SLC6A6: variants seen among roughly 807,000 people sequenced by gnomAD.
The protein encoded by SLC6A6 is sodium- and chloride-dependent taurine transporter.
A neutral mutation model predicts 68.8 loss-of-function variants in SLC6A6; 16 were observed. That is an observed-to-expected ratio of 0.23 (90% CI 0.16 to 0.35). The LOEUF (loss-of-function observed/expected upper bound fraction) is 0.35. SLC6A6 is among the 10% of genes least tolerant of loss of function. The pLI is 1.00. For synonymous variants in SLC6A6, 312 were observed against 315.4 expected (o/e 0.99, Z 0.12); for missense variants, 474 against 802.8 (o/e 0.59, Z 4.95).
intron 4 of SLC6A6, 119 bp downstream of exon 4, chr3:14,445,970 T>TATCTTGTGTCAGCATA: frequency 1.0e-6 from 1 of 980,170 alleles, no homozygotes; most frequent in Non-Finnish European, 1.5e-6. Context: ...AGCTCTATGC[T>TATCTTGTGTCAGCATA]GACACAAGAT....
chr3:14,466,330 A>G (rs550885009), intron 6 of SLC6A6, among the ~76,000 whole-genome samples, 186 bp from the exon 7 acceptor site: 10 of 151,616 alleles, frequency 6.6e-5, no homozygotes, highest in Non-Finnish European at 5.9e-5. Context: ...CAGATTACAG[A>G]TGAGGCAGCT....
At chr3:14,456,474 C>G (rs1441314774) in intron 5 of SLC6A6, among the ~76,000 whole-genome samples, 3 of 152,182 alleles carry the variant, frequency 2.0e-5, no homozygotes, top group Admixed American at 6.5e-5. Flanking sequence ...GCTGGGAACA[C>G]AGCAGTAAAC....
chr3:14,417,739 A>C (rs1446358617), intron 2 of SLC6A6, among the ~76,000 whole-genome samples: 2 of 151,972 alleles, frequency 1.3e-5, no homozygotes, highest in African/African-American at 4.8e-5. Context: ...CTCGAAAAAA[A>C]AAAAAAAAAA....
At position 14,481,564 on chromosome 3, in the gene SLC6A6, C is replaced by G. The variant is rs1574969674; in HGVS notation, c.1552-107C>G. On this transcript the variant is annotated intron_variant, in intron 13 of 14. Coordinates refer to ENST00000622186, the MANE Select transcript of SLC6A6 (RefSeq NM_003043.6). This position sits in a 1 kb window ranked among gnomAD's most constrained non-coding sequence, Gnocchi z 4.7. ...GTGTGAGTTCTGAGCCAGTCCTTTC[C>G]CAAGGAGAGAGACCCTTCCCTCAGG... 1.3e-6 allele frequency: 1 copy of G among 748,292 alleles called. No homozygotes were observed. Among genetic ancestry groups the G allele is most frequent in the African/African-American group, 1.8e-5 (1 of 56,898 alleles). 46.4% of individuals were successfully genotyped at this position (748,292 alleles called of 1,614,324 possible).
Position 14,478,580 on chromosome 3 carries a change from T to C in SLC6A6, c.1450+12T>C, listed in dbSNP as rs775411238. Reference sequence around the variant, plus strand: ...TGCCTGGATATATGGTGAGTACAGATTTTTTCATGTCCTTTCTCAAGGCTC... The same window carrying C: ...TGCCTGGATATATGGTGAGTACAGACTTTTTCATGTCCTTTCTCAAGGCTC... On this transcript the variant is annotated intron_variant, in intron 12 of 14. Transcript: ENST00000622186. 2.7e-6 allele frequency: 4 copies of C among 1,491,616 alleles called. No individual in the cohort carries two copies. The highest frequency in any genetic ancestry group is 3.7e-6 in the Non-Finnish European group (4 of 1,068,604). The allele number at this position is 1,491,616 out of a possible 1,614,324, so 92.4% of individuals were successfully genotyped here. A position where few individuals can be genotyped will look rare whatever the true frequency, so the allele number is the denominator to read the frequency against.
intron 2 of SLC6A6, among the ~76,000 whole-genome samples, chr3:14,437,089 T>A (rs956238016): frequency 1.3e-5 from 2 of 152,134 alleles, no homozygotes; most frequent in Non-Finnish European, 2.9e-5. Context: ...TGACTTCACA[T>A]CTCTGTGCTT....
chr3:14,430,508 A>G (rs1699700743), intron 2 of SLC6A6, among the ~76,000 whole-genome samples: 1 of 152,142 alleles, frequency 6.6e-6, no homozygotes, highest in African/African-American at 2.4e-5. Context: ...TGCACGTAGG[A>G]AGACCACAGT....
intron 6 of SLC6A6, among the ~76,000 whole-genome samples, chr3:14,459,118 C>G (rs1700436606): frequency 6.6e-6 from 1 of 152,164 alleles, no homozygotes; most frequent in Admixed American, 6.5e-5. Context: ...CTATAAAGAA[C>G]AAAGGCGTTT....
chr3:14,414,748 C>G (rs1295407821), intron 1 of SLC6A6, among the ~76,000 whole-genome samples: 1 of 152,122 alleles, frequency 6.6e-6, no homozygotes, highest in Non-Finnish European at 1.5e-5. Context: ...TCAGGTTGGT[C>G]TTGAACTCTT....
chr3:14,410,176 CAAAAAA>C (rs145587348), intron 1 of SLC6A6, among the ~76,000 whole-genome samples: 1 of 60,726 alleles, frequency 1.6e-5, no homozygotes. Flanking sequence ...GACTCCATCT[CAAAAAA>C]AAAAAAAAAA....
intron 10 of SLC6A6, among the ~76,000 whole-genome samples, chr3:14,473,541 T>C (rs1432168152): frequency 6.6e-6 from 1 of 151,838 alleles, no homozygotes; most frequent in Admixed American, 6.6e-5. Context: ...AGGGGAAAAG[T>C]CTCTGAAGGT....
chr3:14,460,970 A>C (rs544105016), intron 6 of SLC6A6, among the ~76,000 whole-genome samples: 128 of 152,330 alleles, frequency 8.4e-4, no homozygotes, highest in African/African-American at 3.0e-3. Context: ...TCATCCTGCC[A>C]AGGCCCTGCT....
At chr3:14,455,164 G>A (rs902015830) in intron 5 of SLC6A6, among the ~76,000 whole-genome samples, 3 of 152,160 alleles carry the variant, frequency 2.0e-5, no homozygotes, top group Non-Finnish European at 2.9e-5. Flanking sequence ...CAAAGCAAAC[G>A]TCCCTGGATG....
At chr3:14,441,135 G>A (rs575031151) in intron 2 of SLC6A6, among the ~76,000 whole-genome samples, 1 of 152,120 alleles carries the variant, frequency 6.6e-6, no homozygotes, top group Admixed American at 6.5e-5. Flanking sequence ...GCAGAGCCGG[G>A]ACTCTCAGGG....
At chr3:14,458,369 C>T (rs574339610) in intron 6 of SLC6A6, among the ~76,000 whole-genome samples, 21 of 152,388 alleles carry the variant, frequency 1.4e-4, no homozygotes, top group Admixed American at 1.1e-3. Context: ...GGAGCCTACA[C>T]GAGCTAGCCC....
At chr3:14,406,518 C>T (rs1699111734) in intron 1 of SLC6A6, among the ~76,000 whole-genome samples, 1 of 152,210 alleles carries the variant, frequency 6.6e-6, no homozygotes, top group Non-Finnish European at 1.5e-5. Context: ...TTGCCCTGAA[C>T]TCTTTCTGTA....
intron 4 of SLC6A6, 77 bp downstream of exon 4, chr3:14,445,928 C>A: frequency 6.7e-7 from 1 of 1,485,390 alleles, no homozygotes; most frequent in Non-Finnish European, 9.3e-7. Flanking sequence ...CTATTGTCTG[C>A]CAGGTCCATT....
At chr3:14,476,084 G>C (rs1456385809) in intron 10 of SLC6A6, among the ~76,000 whole-genome samples, 1 of 152,220 alleles carries the variant, frequency 6.6e-6, no homozygotes, top group East Asian at 1.9e-4. Flanking sequence ...GGTTGAATAA[G>C]CTCTTCAACT....
rs992381358 is a variant in SLC6A6 at position 14,468,730 on chromosome 3, G to T, written c.1096+518G>T. Reference sequence around the variant, plus strand: ...ACCGTAGGCACTGGGTGCAGTGTGTGGGGGGAGGGCGTAGATGAGGGGACG... The same window carrying T: ...ACCGTAGGCACTGGGTGCAGTGTGTTGGGGGAGGGCGTAGATGAGGGGACG... On this transcript the variant is annotated intron_variant, in intron 9 of 14. Coordinates refer to ENST00000622186, the MANE Select transcript of SLC6A6 (RefSeq NM_003043.6). The surrounding 1 kb of genome is among the most constrained non-coding windows in gnomAD (Gnocchi z 4.5). Among the ~76,000 whole-genome samples, 35 of 152,260 alleles carry T rather than the reference G, an allele frequency of 2.3e-4. No homozygotes were observed. Among genetic ancestry groups the T allele is most frequent in the African/African-American group, 7.7e-4 (32 of 41,562 alleles).
Sources: gnomAD v4.1 joint callset for allele counts (sites outside exome capture counted in the v4.1 genomes callset) on GRCh38, gnomAD v4.1.1 for gene constraint, Gnocchi (gnomAD v3.1) non-coding constraint, MANE v1.5 for transcripts, NCBI Gene and HGNC (gene_info 2026-07-23, HGNC 2026-07-21) for gene names.